Variants in GATA4 observed in about 807,000 individuals in gnomAD.
GATA4 encodes GATA binding protein 4.
In GATA4, 7 loss-of-function variants were observed where a neutral mutation model predicts 37.9. That is an observed-to-expected ratio of 0.18 (90% CI 0.11 to 0.35). GATA4 has a LOEUF of 0.35. Ranked by LOEUF, GATA4 falls within the 10% of genes least tolerant of loss-of-function variation. GATA4 has a pLI of 1.00. For missense variants in GATA4, 647 were observed against 653.0 expected (o/e 0.99, Z 0.10); for synonymous variants, 372 against 292.6 (o/e 1.27, Z -2.77).
chr8:11,681,083 G>A, intron 1 of GATA4: 1 of 963,742 alleles, frequency 1.0e-6, no homozygotes, highest in Non-Finnish European at 1.2e-6. Flanking sequence ...GACATTGAGG[G>A]GCATGGGTGG....
At chr8:11,680,775 G>T (rs919021629) in intron 1 of GATA4, 2 of 985,160 alleles carry the variant, frequency 2.0e-6, no homozygotes, top group East Asian at 1.1e-4. Flanking sequence ...CTCCAGATGC[G>T]AGGTGCTCAC....
At chr8:11,701,178 C>G (rs1799662272), upstream of GATA4, among the ~76,000 whole-genome samples, 1 of 149,520 alleles carries the variant, frequency 6.7e-6, no homozygotes. Flanking sequence ...GTACAGTACA[C>G]CTAAGTAATT....
At chr8:11,720,126 G>A (rs1393743681) in intron 2 of GATA4, among the ~76,000 whole-genome samples, 2 of 151,718 alleles carry the variant, frequency 1.3e-5, no homozygotes, top group Non-Finnish European at 2.9e-5. Context: ...TTCCTGCGGT[G>A]TGACTCACTG....
intron 2 of GATA4, among the ~76,000 whole-genome samples, chr8:11,729,585 G>A (rs1419552251): frequency 6.6e-6 from 1 of 151,402 alleles, no homozygotes; most frequent in African/African-American, 2.4e-5. Flanking sequence ...AAGCTACTTA[G>A]GTTGAACACA....
intron 2 of GATA4, among the ~76,000 whole-genome samples, chr8:11,720,169 G>C (rs1800606779): frequency 6.6e-6 from 1 of 151,700 alleles, no homozygotes. Flanking sequence ...TTTGTAAGGT[G>C]AAGAATTCAG....
intron 2 of GATA4, among the ~76,000 whole-genome samples, chr8:11,729,881 C>G (rs1801118678): frequency 6.6e-6 from 1 of 152,090 alleles, no homozygotes; most frequent in Non-Finnish European, 1.5e-5. Context: ...TTTTTAAACC[C>G]AATATATAAT....
chr8:11,711,793 T>A (rs1800196323), intron 2 of GATA4, among the ~76,000 whole-genome samples: 1 of 151,868 alleles, frequency 6.6e-6, no homozygotes, highest in Non-Finnish European at 1.5e-5. Flanking sequence ...TGAATGTGCT[T>A]TTTATATGTT....
chr8:11,738,221 C>T (rs1163011636), intron 2 of GATA4, among the ~76,000 whole-genome samples: 1 of 148,578 alleles, frequency 6.7e-6, no homozygotes, highest in African/African-American at 2.5e-5. Flanking sequence ...ATAAGAAATA[C>T]ATTAACATAA....
chr8:11,739,822 T>G (rs1397236119), intron 2 of GATA4, among the ~76,000 whole-genome samples: 2 of 152,174 alleles, frequency 1.3e-5, no homozygotes, highest in Non-Finnish European at 2.9e-5. Context: ...ATGAGGCACT[T>G]GCCCGGCCTG....
intron 1 of GATA4, among the ~76,000 whole-genome samples, chr8:11,679,822 A>G (rs1798897081): frequency 6.6e-6 from 1 of 152,244 alleles, no homozygotes; most frequent in African/African-American, 2.4e-5. Flanking sequence ...AGCCTCAGAG[A>G]CACCAGCAAC....
chr8:11,724,079 C>G (rs1340858561), intron 2 of GATA4, among the ~76,000 whole-genome samples: 2 of 152,118 alleles, frequency 1.3e-5, no homozygotes. Context: ...GTGACGGGCT[C>G]GTTTCCTTTG....
upstream of GATA4, chr8:11,692,625 C>T (rs1054573561): frequency 6.3e-5 from 62 of 985,236 alleles, no homozygotes; most frequent in Non-Finnish European, 7.4e-5. Context: ...TTCTGGGGAC[C>T]CGCGGCCTCT....
intron 2 of GATA4, among the ~76,000 whole-genome samples, chr8:11,716,221 A>C (rs1800426581): frequency 6.6e-6 from 1 of 152,202 alleles, no homozygotes; most frequent in African/African-American, 2.4e-5. Context: ...ATGTGACTAT[A>C]TTACCTAATT....
intron 1 of GATA4, among the ~76,000 whole-genome samples, chr8:11,682,591 A>C (rs572595084): frequency 9.3e-6 from 1 of 108,016 alleles, no homozygotes; most frequent in Non-Finnish European, 2.1e-5. Context: ...AACTTAAAGA[A>C]AGCTTTAACT....
intron 2 of GATA4, among the ~76,000 whole-genome samples, chr8:11,744,417 C>T (rs985835789): frequency 7.9e-5 from 12 of 152,204 alleles, no homozygotes; most frequent in African/African-American, 2.2e-4. Context: ...GAGGAGTTCC[C>T]GGGATGCCAG....
upstream of GATA4, among the ~76,000 whole-genome samples, chr8:11,688,963 C>T (rs1380424993): frequency 6.6e-6 from 1 of 152,218 alleles, no homozygotes; most frequent in Non-Finnish European, 1.5e-5. Flanking sequence ...AATGAATTCT[C>T]ATGTGTTATT....
chr8:11,681,540 G>A (rs1294407228), intron 1 of GATA4: 2 of 805,592 alleles, frequency 2.5e-6, no homozygotes, highest in African/African-American at 1.9e-5. Flanking sequence ...AACGGCTGCT[G>A]TTGTTTCTTT....
At chr8:11,742,310 C>G (rs62489352) in intron 2 of GATA4, among the ~76,000 whole-genome samples, 1 of 151,652 alleles carries the variant, frequency 6.6e-6, no homozygotes. Context: ...TTTCCCCTAT[C>G]ATTTGTTCTT....
chr8:11,702,992 C>G (rs1799736858), upstream of GATA4, among the ~76,000 whole-genome samples: 2 of 152,214 alleles, frequency 1.3e-5, no homozygotes, highest in African/African-American at 4.8e-5. This position sits in a 1 kb window ranked among gnomAD's most constrained non-coding sequence, Gnocchi z 4.4. Context: ...TGGCCTCGTC[C>G]TTAACCCCCG....
Sources: gnomAD v4.1 joint callset for allele counts (sites outside exome capture counted in the v4.1 genomes callset) on GRCh38, gnomAD v4.1.1 for gene constraint, Gnocchi (gnomAD v3.1) non-coding constraint, MANE v1.5 for transcripts, NCBI Gene and HGNC (gene_info 2026-07-23, HGNC 2026-07-21) for gene names.